Variants in LDLRAP1 observed in about 807,000 individuals in gnomAD.
The protein encoded by LDLRAP1 is low density lipoprotein receptor adaptor protein 1.
A neutral mutation model predicts 37.8 loss-of-function variants in LDLRAP1; 30 were observed. The ratio of observed to expected loss-of-function variants is 0.79; its 90% CI spans 0.59 to 1.08. The LOEUF (loss-of-function observed/expected upper bound fraction) is 1.08. Among genes scored for constraint, LDLRAP1 ranks in the 50% least tolerant of loss-of-function variants. LDLRAP1 has a pLI of 0.00. For missense variants in LDLRAP1, 375 were observed against 401.6 expected (o/e 0.93, Z 0.57); for synonymous variants, 156 against 169.8 (o/e 0.92, Z 0.63).
At chr1:25,589,273 C>T in the LDLRAP1 span, among the ~76,000 whole-genome samples, 1 of 147,350 alleles carries the variant, frequency 6.8e-6, no homozygotes, top group Non-Finnish European at 1.5e-5. Flanking sequence ...CACTGCACTC[C>T]AGCCCAGGCA....
At chr1:25,551,001 C>T (rs75446219) in intron 1 of LDLRAP1, among the ~76,000 whole-genome samples, 3,078 of 152,130 alleles carry the variant, frequency 0.02, 42 homozygotes, top group Non-Finnish European at 0.031. Flanking sequence ...AGAATGGGGA[C>T]ATGAAAATGG....
the LDLRAP1 span, among the ~76,000 whole-genome samples, chr1:25,584,685 A>T: frequency 3.9e-5 from 6 of 152,176 alleles, no homozygotes; most frequent in African/African-American, 7.2e-5. Context: ...ATCCCTGAAG[A>T]ATCCCTTCCC....
chr1:25,555,611 C>T lies in LDLRAP1; in HGVS notation c.344+639C>T, dbSNP rs2044179685. 6.6e-6 allele frequency among the ~76,000 whole-genome samples: 1 copy of T among 152,204 alleles called. No individual in the cohort carries two copies. The highest frequency in any genetic ancestry group is 1.9e-4 in the East Asian group (1 of 5,192). On this transcript the variant is annotated intron_variant, in intron 3 of 8. Transcript: ENST00000374338. This position sits in a 1 kb window ranked among gnomAD's most constrained non-coding sequence, Gnocchi z 4.7. ...TAAACTGGAACTAGGATATCCGGGCCAGAGCCCTGTCCAGCAGGCTCCCGT... is the reference window on the plus strand; with the variant it reads ...TAAACTGGAACTAGGATATCCGGGCTAGAGCCCTGTCCAGCAGGCTCCCGT...
intron 4 of LDLRAP1, chr1:25,557,475 TTGTG>T: frequency 1.7e-6 from 1 of 597,130 alleles, no homozygotes; most frequent in Non-Finnish European, 3.0e-6. Flanking sequence ...CCGGTCAGCT[TTGTG>T]TGGGCAGTAG....
intron 8 of LDLRAP1, among the ~76,000 whole-genome samples, 171 bp from the exon 9 acceptor site, chr1:25,566,677 T>C (rs2044489381): frequency 6.6e-6 from 1 of 152,170 alleles, no homozygotes; most frequent in Non-Finnish European, 1.5e-5. Flanking sequence ...CTGAGCTGTT[T>C]GACTCTCAAG....
the LDLRAP1 span, among the ~76,000 whole-genome samples, chr1:25,584,853 G>A: frequency 3.6e-4 from 55 of 152,242 alleles, 1 homozygote; most frequent in Non-Finnish European, 2.9e-5. Context: ...GTCAATTCTG[G>A]GGCAAATGGA....
chr1:25,543,675 C>A lies in LDLRAP1; in HGVS notation c.-24C>A, dbSNP rs2043855071. ...CCTGACGGAGTTTTGGCTGCGGCAG[C>A]GGCGGCGGCGGCCGGAGCGGGCCAT... On this transcript the variant is annotated 5_prime_UTR_variant, in exon 1 of 9. Transcript: ENST00000374338. 3 of 1,196,638 alleles carry A rather than the reference C, an allele frequency of 2.5e-6. No individual in the cohort carries two copies. Among genetic ancestry groups the A allele is most frequent in the Non-Finnish European group, 3.1e-6 (3 of 962,256 alleles). The allele number at this position is 1,196,638 out of a possible 1,614,324, so 74.1% of individuals were successfully genotyped here. A position where few individuals can be genotyped will look rare whatever the true frequency, so the allele number is the denominator to read the frequency against.
Position 25,557,261 on chromosome 1 carries a change from G to C in LDLRAP1, c.453G>C (p.Arg151=). The part of the protein sequence containing the change: ...LECHAFLCTK[R]KMAQAVTLTV... The stretch of plus-strand genomic sequence containing the variant: ...GCCACGCCTTCCTCTGCACCAAGCG[G>C]AAGATGGTCAGCGGGGAGGGCTGGG... Residue 151 remains arginine (R), a synonymous_variant, in exon 4 of 9, where the codon CGG becomes CGC. Coordinates refer to ENST00000374338, the MANE Select transcript of LDLRAP1 (RefSeq NM_015627.3). 1 of 1,546,968 alleles carries C rather than the reference G, an allele frequency of 6.5e-7. No individual in the cohort carries two copies. The highest frequency in any genetic ancestry group is 8.9e-7 in the Non-Finnish European group (1 of 1,125,612).
chr1:25,563,126 C>T lies in LDLRAP1; in HGVS notation c.589C>T (p.Gln197Ter). ...GGGAGGGGACGTCCTGGGGGCCCGCCAAGACTGCACCCCCTCCTTGAAGAG... is the reference window on the plus strand; with the variant it reads ...GGGAGGGGACGTCCTGGGGGCCCGCTAAGACTGCACCCCCTCCTTGAAGAG... ...QEGGDVLGAR[Q>*]DCTPSLKSLV... The change falls in exon 6 of 9, where the codon CAA becomes TAA. Residue 197 changes from glutamine to a stop codon, truncating the protein, a stop_gained. Coordinates refer to ENST00000374338, the MANE Select transcript of LDLRAP1 (RefSeq NM_015627.3). LOFTEE classifies it high-confidence loss of function. The T allele has an allele frequency of 6.2e-7, 1 of 1,613,908 alleles. No homozygotes were observed. Among genetic ancestry groups the T allele is most frequent in the Non-Finnish European group, 8.5e-7 (1 of 1,179,930 alleles).
At chr1:25,561,303 G>A (rs969900109) in intron 4 of LDLRAP1, among the ~76,000 whole-genome samples, 1 of 152,204 alleles carries the variant, frequency 6.6e-6, no homozygotes, top group Non-Finnish European at 1.5e-5. Context: ...CCATATTTAA[G>A]TTTTGCCATA....
In LDLRAP1 at chr1:25,567,484, G is replaced by A. The variant is rs2044515317; in HGVS notation, c.*492G>A. ...CAGGAGAGCACCCACAGCCGCAGAAGGGGAATGTGTCCTCCTGCTCTGCTT... is the reference window on the plus strand; with the variant it reads ...CAGGAGAGCACCCACAGCCGCAGAAAGGGAATGTGTCCTCCTGCTCTGCTT... On this transcript the variant is annotated 3_prime_UTR_variant, in exon 9 of 9. Transcript: ENST00000374338. 3.6e-6 allele frequency: 1 copy of A among 278,288 alleles called. No homozygotes were observed. Among genetic ancestry groups the A allele is most frequent in the Non-Finnish European group, 7.0e-6 (1 of 142,058 alleles). 17.2% of individuals were successfully genotyped at this position (278,288 alleles called of 1,614,324 possible).
chr1:25,543,736 G>A lies in LDLRAP1; in HGVS notation c.38G>A (p.Arg13Gln). Residue 13 changes from arginine to glutamine, a missense_variant, in exon 1 of 9, where the codon CGG (arginine) becomes CAG (glutamine). Coordinates refer to ENST00000374338, the MANE Select transcript of LDLRAP1 (RefSeq NM_015627.3). ...AAGTCGGCGGGGCGGGCGCTGATCC[G>A]GAGCCCCAGCTTGGCCAAGCAGAGC... is the stretch of plus-strand genomic sequence containing the variant. ...ALKSAGRALI[R>Q]SPSLAKQSWG... 2 of 1,212,954 alleles carry A rather than the reference G, an allele frequency of 1.6e-6. No individual in the cohort carries two copies. The highest frequency in any genetic ancestry group is 2.0e-6 in the Non-Finnish European group (2 of 975,872). 75.1% of individuals were successfully genotyped at this position (1,212,954 alleles called of 1,614,324 possible). A position where few individuals can be genotyped will look rare whatever the true frequency, so the allele number is the denominator to read the frequency against.
chr1:25,566,731 G>A, intron 8 of LDLRAP1, 117 bp from the exon 9 acceptor site: 1 of 1,283,492 alleles, frequency 7.8e-7, no homozygotes, highest in Admixed American at 2.0e-5. Flanking sequence ...CCCTGCACCG[G>A]GGGCTTCCTT....
In LDLRAP1 at chr1:25,554,164, C is replaced by A; in HGVS notation, c.231+100C>A. On this transcript the variant is annotated intron_variant, in intron 2 of 8. Coordinates refer to ENST00000374338, the MANE Select transcript of LDLRAP1 (RefSeq NM_015627.3). The surrounding 1 kb of genome is among the most constrained non-coding windows in gnomAD (Gnocchi z 5.4). ...AGCTTGTTACTCCAGTTGGGTGTGT[C>A]TGAGCCTGGCCCTGCCCTTCATTCT... 1 of 1,439,572 alleles carries A rather than the reference C, an allele frequency of 6.9e-7. No individual in the cohort carries two copies. Among genetic ancestry groups the A allele is most frequent in the South Asian group, 1.2e-5 (1 of 83,904 alleles). The allele number at this position is 1,439,572 out of a possible 1,614,324, so 89.2% of individuals were successfully genotyped here. A position where few individuals can be genotyped will look rare whatever the true frequency, so the allele number is the denominator to read the frequency against.
At chr1:25,571,179 G>A (rs765787620), downstream of LDLRAP1, among the ~76,000 whole-genome samples, 46 of 152,178 alleles carry the variant, frequency 3.0e-4, no homozygotes, top group Non-Finnish European at 6.2e-4. Flanking sequence ...CAGCTACCAC[G>A]GAAGACACTG....
downstream of LDLRAP1, among the ~76,000 whole-genome samples, chr1:25,573,686 G>A (rs1011448743): frequency 6.6e-6 from 1 of 152,198 alleles, no homozygotes; most frequent in Non-Finnish European, 1.5e-5. Flanking sequence ...GAGCTATGCC[G>A]AGGCTTTGCA....
chr1:25,576,237 CA>C, the LDLRAP1 span, among the ~76,000 whole-genome samples: 1 of 148,248 alleles, frequency 6.7e-6, no homozygotes, highest in South Asian at 2.1e-4. Flanking sequence ...TCAAAAAAAA[CA>C]AAAGTAGGCC....
the LDLRAP1 span, among the ~76,000 whole-genome samples, chr1:25,580,589 C>T: frequency 8.5e-4 from 130 of 152,292 alleles, no homozygotes; most frequent in African/African-American, 3.0e-3. Context: ...CTCATTGCAG[C>T]CTTGACGTTT....
rs1312344825 is a variant in LDLRAP1, at chr1:25,544,167, G to A, written c.88+381G>A. On this transcript the variant is annotated intron_variant, in intron 1 of 8. Coordinates refer to ENST00000374338, the MANE Select transcript of LDLRAP1 (RefSeq NM_015627.3). The surrounding 1 kb of genome is among the most constrained non-coding windows in gnomAD (Gnocchi z 4.8). ...TCGTCGTCGGTGCCTAGGGGAGGAGGAGAGGGCGCAGGGGCTTGGGAAGAC... is the reference window on the plus strand; with the variant it reads ...TCGTCGTCGGTGCCTAGGGGAGGAGAAGAGGGCGCAGGGGCTTGGGAAGAC... Among the ~76,000 whole-genome samples the A allele has an allele frequency of 6.6e-6, 1 of 152,144 alleles. No individual in the cohort carries two copies. The highest frequency in any genetic ancestry group is 1.5e-5 in the Non-Finnish European group (1 of 67,992).
Sources: gnomAD v4.1 joint callset for allele counts (sites outside exome capture counted in the v4.1 genomes callset) on GRCh38, gnomAD v4.1.1 for gene constraint, Gnocchi (gnomAD v3.1) non-coding constraint, MANE v1.5 for transcripts, NCBI Gene and HGNC (gene_info 2026-07-23, HGNC 2026-07-21) for gene names.